Variants in EPHA6 observed in about 807,000 individuals in gnomAD.
EPHA6 encodes the protein EPH receptor A6.
In EPHA6, 50 loss-of-function variants were observed where a neutral mutation model predicts 112.0. That is an observed-to-expected ratio of 0.45 (90% CI 0.36 to 0.56). The LOEUF (loss-of-function observed/expected upper bound fraction) is 0.56. Ranked by LOEUF, EPHA6 falls within the 20% of genes least tolerant of loss-of-function variation. The pLI is 0.00. For synonymous variants in EPHA6, 529 were observed against 490.7 expected, an observed-to-expected ratio of 1.08 and a Z score of -1.03; for missense variants, 1,280 against 1,417.4, an observed-to-expected ratio of 0.90 and a Z score of 1.56.
intron 3 of EPHA6, among the ~76,000 whole-genome samples, chr3:97,198,750 A>G (rs1044085987): frequency 2.6e-5 from 4 of 152,154 alleles, no homozygotes; most frequent in Non-Finnish European, 5.9e-5. Flanking sequence ...AGCCATTTAT[A>G]ATGAAAAATC....
chr3:97,231,237 C>G (rs1475529908), intron 4 of EPHA6, among the ~76,000 whole-genome samples: 1 of 152,130 alleles, frequency 6.6e-6, no homozygotes, highest in Non-Finnish European at 1.5e-5. Flanking sequence ...GAGCTTTAGT[C>G]AAGTTTTCCT....
intron 5 of EPHA6, among the ~76,000 whole-genome samples, chr3:97,327,175 A>G (rs1352217911): frequency 2.0e-5 from 3 of 152,106 alleles, no homozygotes; most frequent in African/African-American, 7.2e-5. Flanking sequence ...AGTAAATTAC[A>G]TTATGAAATA....
rs148337209 is a variant in EPHA6, at chr3:97,000,369, T to TTATA, written c.1114+12386_1114+12389dup. On this transcript the variant is annotated intron_variant, in intron 3 of 17. Transcript: ENST00000389672. ...CACACGTGTGCTTTTTTTATATATT[T>TTATA]TATATATATATATGTATATGTTGGA... is the stretch of plus-strand genomic sequence containing the variant. Among the ~76,000 whole-genome samples the TTATA allele has an allele frequency of 8.6e-4, 129 of 150,306 alleles. 2 individuals carry two copies. In the Middle Eastern group the frequency reaches 0.014, roughly 16 times the overall value.
intron 5 of EPHA6, among the ~76,000 whole-genome samples, chr3:97,316,304 C>G (rs893132174): frequency 6.6e-6 from 1 of 151,760 alleles, no homozygotes; most frequent in Non-Finnish European, 1.5e-5. Context: ...CAATTGGCAA[C>G]TTTTATTTTA....
chr3:97,155,148 T>C (rs2076260505), intron 3 of EPHA6, among the ~76,000 whole-genome samples: 1 of 152,188 alleles, frequency 6.6e-6, no homozygotes, highest in African/African-American at 2.4e-5. Flanking sequence ...AAGTAATTAT[T>C]ATTTTAAAAT....
At position 96,977,185 on chromosome 3, in the gene EPHA6, A is replaced by G. The variant is rs530772981; in HGVS notation, c.451-10145A>G. ...TTATGAAAGTATCTTTACAAAGTAG[A>G]CTGGTACTGTATATTTTAAGTTTGG... On this transcript the variant is annotated intron_variant, in intron 2 of 17. Transcript: ENST00000389672. Among the ~76,000 whole-genome samples, 26 of 152,292 alleles carry G rather than the reference A, an allele frequency of 1.7e-4. No individual in the cohort carries two copies. In the South Asian group the frequency reaches 5.2e-3, roughly 30 times the overall value.
intron 2 of EPHA6, among the ~76,000 whole-genome samples, chr3:96,868,443 G>A (rs1315738324): frequency 6.6e-6 from 1 of 151,550 alleles, no homozygotes; most frequent in Non-Finnish European, 1.5e-5. Context: ...TATCAATATA[G>A]GTTACAGTAC....
chr3:97,104,343 T>C (rs1266724717), intron 3 of EPHA6, among the ~76,000 whole-genome samples: 1 of 152,142 alleles, frequency 6.6e-6, no homozygotes, highest in Non-Finnish European at 1.5e-5. Context: ...TTGCTGAGAG[T>C]TTTAACAAGA....
intron 2 of EPHA6, among the ~76,000 whole-genome samples, chr3:96,875,250 G>C (rs939366373): frequency 6.6e-6 from 1 of 152,020 alleles, no homozygotes; most frequent in African/African-American, 2.4e-5. Flanking sequence ...AAAGCTGATG[G>C]CTTTCTTTTA....
At chr3:96,940,379 T>C (rs112519862) in intron 2 of EPHA6, among the ~76,000 whole-genome samples, 1,673 of 152,288 alleles carry the variant, frequency 0.011, 29 homozygotes, top group African/African-American at 0.038. Context: ...TTTTTATCTT[T>C]GTTAGTTTAA....
chr3:97,019,440 T>A (rs1004990786), intron 3 of EPHA6, among the ~76,000 whole-genome samples: 3 of 152,116 alleles, frequency 2.0e-5, no homozygotes, highest in Admixed American at 6.6e-5. Context: ...CTCTCCTCTC[T>A]AGTAATCTAT....
chr3:97,165,891 G>A (rs1576602193), intron 3 of EPHA6, among the ~76,000 whole-genome samples: 1 of 152,110 alleles, frequency 6.6e-6, no homozygotes, highest in African/African-American at 2.4e-5. Context: ...ATTGCATTGT[G>A]TCTTGTCCCT....
intron 14 of EPHA6, among the ~76,000 whole-genome samples, chr3:97,664,981 A>G (rs2094195476): frequency 6.6e-6 from 1 of 152,178 alleles, no homozygotes; most frequent in Non-Finnish European, 1.5e-5. Flanking sequence ...TAAAGTTCAT[A>G]TGGAACCAAA....
At chr3:96,878,684 C>T (rs2037121981) in intron 2 of EPHA6, among the ~76,000 whole-genome samples, 1 of 152,010 alleles carries the variant, frequency 6.6e-6, no homozygotes. Flanking sequence ...TTATGTCTAT[C>T]TAGATATACA....
chr3:97,573,875 A>G (rs2093357678), intron 11 of EPHA6, among the ~76,000 whole-genome samples: 1 of 151,630 alleles, frequency 6.6e-6, no homozygotes, highest in African/African-American at 2.4e-5. Context: ...TTGATTTAAT[A>G]TTAATCAAGA....
At chr3:97,027,482 A>G (rs2044681693) in intron 3 of EPHA6, among the ~76,000 whole-genome samples, 1 of 152,198 alleles carries the variant, frequency 6.6e-6, no homozygotes, top group Non-Finnish European at 1.5e-5. Flanking sequence ...GCCACCTCCA[A>G]GGAAAAAAAC....
At chr3:97,396,939 A>AT (rs1216276706) in intron 5 of EPHA6, among the ~76,000 whole-genome samples, 2 of 151,360 alleles carry the variant, frequency 1.3e-5, no homozygotes, top group African/African-American at 4.8e-5. Flanking sequence ...TCCCCTAAAC[A>AT]TTTTTTTTCT....
chr3:97,137,467 A>T (rs140598059), intron 3 of EPHA6, among the ~76,000 whole-genome samples: 89 of 152,300 alleles, frequency 5.8e-4, no homozygotes, highest in African/African-American at 2.1e-3. Flanking sequence ...TAAAATGGAT[A>T]TCATAATTGA....
At chr3:97,121,730 G>A (rs1407678288) in intron 3 of EPHA6, among the ~76,000 whole-genome samples, 2 of 152,064 alleles carry the variant, frequency 1.3e-5, no homozygotes, top group African/African-American at 2.4e-5. Flanking sequence ...GTATGCTAGT[G>A]TAGGACTGTA....
Sources: gnomAD v4.1 joint callset for allele counts (sites outside exome capture counted in the v4.1 genomes callset) on GRCh38, gnomAD v4.1.1 for gene constraint, MANE v1.5 for transcripts, NCBI Gene and HGNC (gene_info 2026-07-23, HGNC 2026-07-21) for gene names.